Variants in ABR observed in about 807,000 individuals in gnomAD.
The protein encoded by ABR is ABR activator of RhoGEF and GTPase, also known as active breakpoint cluster region-related protein.
Under a neutral mutation model 107.2 loss-of-function variants are expected in ABR, and 35 were observed. That is an observed-to-expected ratio of 0.33 (90% CI 0.25 to 0.43). The LOEUF (loss-of-function observed/expected upper bound fraction) is 0.43, where lower values mean the gene tolerates loss of function less well. Ranked by LOEUF, ABR falls within the 20% of genes least tolerant of loss-of-function variation. The probability of loss-of-function intolerance (pLI) is 1.00; values close to 1 mark genes in which losing one functional copy is unlikely to be tolerated. For synonymous variants in ABR, 498 were observed against 462.0 expected, an observed-to-expected ratio of 1.08 and a Z score of -1.00; for missense variants, 815 against 1,115.2, an observed-to-expected ratio of 0.73 and a Z score of 3.83.
chr17:1,108,901 C>A (rs779565243), intron 2 of ABR: 2 of 1,557,116 alleles, frequency 1.3e-6, no homozygotes, highest in Non-Finnish European at 1.7e-6. Context: ...CGGCCCGGCC[C>A]CCCCCAGCGC....
Position 1,005,787 on chromosome 17 carries a change from C to A in ABR, c.*293G>T. Reference sequence around the variant, plus strand: ...TGTGCCCACGCCGGGCCGGTCACTACCTTTTCTGCCTGACAAGTGTACATA... The same window carrying A: ...TGTGCCCACGCCGGGCCGGTCACTAACTTTTCTGCCTGACAAGTGTACATA... On this transcript the variant is annotated 3_prime_UTR_variant, in exon 23 of 23. Transcript: ENST00000302538. The A allele has an allele frequency of 2.1e-6, 1 of 467,414 alleles. No individual in the cohort carries two copies. Among genetic ancestry groups the A allele is most frequent in the Non-Finnish European group, 3.9e-6 (1 of 258,500 alleles). The allele number at this position is 467,414 out of a possible 1,614,324, so 29.0% of individuals were successfully genotyped here.
intron 3 of ABR, among the ~76,000 whole-genome samples, chr17:1,094,623 G>A (rs565684871): frequency 2.8e-4 from 42 of 152,230 alleles, no homozygotes; most frequent in African/African-American, 8.7e-4. Context: ...CACGTGCCTC[G>A]GCCTCTTGAA....
In ABR at chr17:1,004,696, G is replaced by C. The variant is rs891114596; in HGVS notation, c.*1384C>G. 2 of 230,688 alleles carry C rather than the reference G, an allele frequency of 8.7e-6. No homozygotes were observed. The highest frequency in any genetic ancestry group is 1.6e-4 in the East Asian group (2 of 12,310). 14.3% of individuals were successfully genotyped at this position (230,688 alleles called of 1,614,324 possible). A position where few individuals can be genotyped will look rare whatever the true frequency, so the allele number is the denominator to read the frequency against. ...CCCTGCTCCCTGGCGGGTGCCTACA[G>C]CACCAACAAGGAGGCCCCAGCAGAA... On this transcript the variant is annotated 3_prime_UTR_variant, in exon 23 of 23. Transcript: ENST00000302538.
intron 1 of ABR, among the ~76,000 whole-genome samples, chr17:1,166,269 C>T (rs1325532486): frequency 6.6e-6 from 1 of 152,086 alleles, no homozygotes; most frequent in Non-Finnish European, 1.5e-5. Context: ...CGGGGGCAGG[C>T]TGCGGCCCCA....
At chr17:1,031,069 G>A (rs576208891) in intron 16 of ABR, among the ~76,000 whole-genome samples, 48 of 152,322 alleles carry the variant, frequency 3.2e-4, no homozygotes, top group African/African-American at 1.0e-3. Context: ...CCTGGTGCCC[G>A]GCGGGCACTG....
chr17:1,037,609 C>T lies in ABR; in HGVS notation c.1791+12441G>A, dbSNP rs978046654. Among the ~76,000 whole-genome samples, 10 of 152,176 alleles carry T rather than the reference C, an allele frequency of 6.6e-5. No individual in the cohort carries two copies. Among genetic ancestry groups the T allele is most frequent in the Non-Finnish European group, 1.5e-4 (10 of 68,026 alleles). On this transcript the variant is annotated intron_variant, in intron 16 of 22. Transcript: ENST00000302538. The surrounding 1 kb of genome is among the most constrained non-coding windows in gnomAD (Gnocchi z 4.6). ...GGGACAGAGTGGGCAGGGCGTGGCC[C>T]CTCAGTATGCTGTCCCTACCGCTGG...
At chr17:1,209,801 T>C (rs1009603874) in intron 1 of ABR, among the ~76,000 whole-genome samples, 1 of 152,226 alleles carries the variant, frequency 6.6e-6, no homozygotes, top group African/African-American at 2.4e-5. Flanking sequence ...TTTGTTGACC[T>C]TTTTCATTGA....
intron 16 of ABR, among the ~76,000 whole-genome samples, chr17:1,049,414 C>A (rs1281263294): frequency 1.3e-5 from 2 of 152,160 alleles, no homozygotes; most frequent in African/African-American, 4.8e-5. Flanking sequence ...GATCCACCCA[C>A]CTCGGCCTCC....
At chr17:1,042,592 G>C (rs1597503904) in intron 16 of ABR, among the ~76,000 whole-genome samples, 1 of 149,164 alleles carries the variant, frequency 6.7e-6, no homozygotes, top group South Asian at 2.1e-4. Flanking sequence ...TACGTCCACA[G>C]ACGGATGGAT....
At chr17:1,048,011 A>T (rs2261044) in intron 16 of ABR, among the ~76,000 whole-genome samples, 1 of 151,720 alleles carries the variant, frequency 6.6e-6, no homozygotes, top group Non-Finnish European at 1.5e-5. Flanking sequence ...CGTGGCGACC[A>T]CTCGTCTCTT....
At chr17:1,113,195 G>A (rs1480811825) in intron 2 of ABR, among the ~76,000 whole-genome samples, 1 of 151,638 alleles carries the variant, frequency 6.6e-6, no homozygotes, top group Non-Finnish European at 1.5e-5. Flanking sequence ...GGGCAAGGCC[G>A]TACTGGGGAG....
intron 3 of ABR, among the ~76,000 whole-genome samples, chr17:1,093,334 T>C (rs1398932998): frequency 6.6e-6 from 1 of 151,994 alleles, no homozygotes; most frequent in East Asian, 2.0e-4. Context: ...CTGGGCGTGG[T>C]GGTGCACACC....
intron 1 of ABR, among the ~76,000 whole-genome samples, chr17:1,149,738 C>G (rs146266775): frequency 4.5e-3 from 690 of 152,086 alleles, no homozygotes; most frequent in African/African-American, 0.016. Flanking sequence ...TCTGTTTTGC[C>G]GCCAACTCCC....
At chr17:1,057,883 G>A in intron 12 of ABR, 87 bp downstream of exon 12, 1 of 1,244,602 alleles carries the variant, frequency 8.0e-7, no homozygotes, top group South Asian at 1.2e-5. Context: ...CCAAAGACGT[G>A]ATACTGGACA....
intron 12 of ABR, chr17:1,057,695 G>A (rs1597593151): frequency 2.4e-6 from 1 of 421,958 alleles, no homozygotes; most frequent in East Asian, 4.7e-5. Context: ...CTCTGTGTGT[G>A]TGTGTGTGAG....
intron 1 of ABR, among the ~76,000 whole-genome samples, chr17:1,226,993 G>A (rs2043234269): frequency 6.6e-6 from 1 of 152,192 alleles, no homozygotes; most frequent in Admixed American, 6.5e-5. Flanking sequence ...ACAGGAGCTT[G>A]CCCTGCAGAG....
Position 1,037,056 on chromosome 17 carries a change from C to T in ABR, c.1791+12994G>A, listed in dbSNP as rs1163621227. On this transcript the variant is annotated intron_variant, in intron 16 of 22. Coordinates refer to ENST00000302538, the MANE Select transcript of ABR (RefSeq NM_021962.5). The surrounding 1 kb of genome is among the most constrained non-coding windows in gnomAD (Gnocchi z 4.6). ...CCATCCACCCATCCATCCATCCATC[C>T]ACCCATCCATCCACCCACCCACCCA... 7.1e-5 allele frequency among the ~76,000 whole-genome samples: 9 copies of T among 127,402 alleles called. No individual in the cohort carries two copies. The highest frequency in any genetic ancestry group is 1.3e-4 in the Non-Finnish European group (8 of 62,564). The allele number at this position is 127,402 out of a possible 152,430, so 83.6% of individuals were successfully genotyped here.
At chr17:1,044,174 C>T (rs2031169787) in intron 16 of ABR, among the ~76,000 whole-genome samples, 1 of 144,728 alleles carries the variant, frequency 6.9e-6, no homozygotes, top group Non-Finnish European at 1.5e-5. Context: ...CAGACTACGC[C>T]GGGGGCAGGG....
In ABR at chr17:1,179,718, G is replaced by A. The variant is rs1044492859; in HGVS notation, c.10C>T (p.Leu4Phe). MEP[L>F]SHRGLPRLSW... ...AGGCGCGGCAGGCCCCGGTGGCTGAGCGGCTCCATCCCGCGGCGGCGGCTC... is the reference window on the plus strand; with the variant it reads ...AGGCGCGGCAGGCCCCGGTGGCTGAACGGCTCCATCCCGCGGCGGCGGCTC... Residue 4 changes from leucine (L) to phenylalanine (F), a missense_variant, in exon 1 of 23, where the codon CTC becomes TTC. By Grantham distance (22) the Leu-to-Phe change is conservative. Transcript: ENST00000302538. This position sits in a 1 kb window ranked among gnomAD's most constrained non-coding sequence, Gnocchi z 4.9. 4 of 1,554,770 alleles carry A rather than the reference G, an allele frequency of 2.6e-6. No individual in the cohort carries two copies. Among genetic ancestry groups the A allele is most frequent in the East Asian group, 2.5e-5 (1 of 39,234 alleles).
Sources: allele counts gnomAD v4.1 joint callset (sites outside exome capture counted in the v4.1 genomes callset), GRCh38; gene constraint gnomAD v4.1.1; non-coding constraint Gnocchi (gnomAD v3.1); transcripts MANE v1.5; gene names NCBI Gene and HGNC (gene_info 2026-07-23, HGNC 2026-07-21).